NALF1: variants seen among roughly 807,000 people sequenced by gnomAD.
The protein encoded by NALF1 is NALCN channel auxiliary factor 1.
In NALF1, 3 loss-of-function variants were observed where a neutral mutation model predicts 48.4. The ratio of observed to expected loss-of-function variants is 0.06; its 90% CI spans 0.03 to 0.16. The LOEUF is 0.16. Ranked by LOEUF, NALF1 falls within the 10% of genes least tolerant of loss-of-function variation. The pLI is 1.00. For synonymous variants in NALF1, 262 were observed against 245.7 expected, an observed-to-expected ratio of 1.07 and a Z score of -0.62; for missense variants, 526 against 571.5, an observed-to-expected ratio of 0.92 and a Z score of 0.81.
chr13:107,644,646 C>CATATAT lies in NALF1; in HGVS notation c.915+221030_915+221035dup, dbSNP rs58981652. ...GTGTGTATACATACATACATACATA[C>CATATAT]ATATATATATATATATATATGCTTT... On this transcript the variant is annotated intron_variant, in intron 1 of 2. Coordinates refer to ENST00000375915, the MANE Select transcript of NALF1 (RefSeq NM_001080396.3). 9.4e-4 allele frequency among the ~76,000 whole-genome samples: 102 copies of CATATAT among 108,262 alleles called. 3 individuals are homozygous for CATATAT. Among genetic ancestry groups the CATATAT allele is most frequent in the Non-Finnish European group, 1.3e-3 (68 of 54,046 alleles). The allele number at this position is 108,262 out of a possible 152,430, so 71.0% of individuals were successfully genotyped here. A position where few individuals can be genotyped will look rare whatever the true frequency, so the allele number is the denominator to read the frequency against.
At chr13:107,818,400 A>G (rs570314822) in intron 1 of NALF1, among the ~76,000 whole-genome samples, 49 of 152,188 alleles carry the variant, frequency 3.2e-4, no homozygotes, top group African/African-American at 9.1e-4. Flanking sequence ...CAGGAATTGG[A>G]GACACTGGAG....
At chr13:107,472,886 C>T (rs1885123081) in intron 1 of NALF1, among the ~76,000 whole-genome samples, 1 of 152,152 alleles carries the variant, frequency 6.6e-6, no homozygotes, top group Non-Finnish European at 1.5e-5. Context: ...TACATCTATC[C>T]TATTAGTCCT....
chr13:107,311,876 C>T (rs1882053218), intron 1 of NALF1, among the ~76,000 whole-genome samples: 1 of 152,092 alleles, frequency 6.6e-6, no homozygotes, highest in African/African-American at 2.4e-5. Context: ...AATGAGATAC[C>T]ATCTCACACC....
At position 107,866,439 on chromosome 13, in the gene NALF1, G is replaced by A. The variant is rs1880733240; in HGVS notation, c.158C>T (p.Ser53Phe). Reference protein sequence around the residue: ...ASLLFFTVLLSDHLWFCAEAK... With the variant: ...ASLLFFTVLLFDHLWFCAEAK... ...CTCGGCGCAGAACCACAAGTGATCA[G>A]AGAGCAGGACTGTGAAAAACAAGAG... The change falls in exon 1 of 3, where the codon TCT becomes TTT. Residue 53 changes from serine to phenylalanine, a missense_variant. Physicochemically the swap from Ser to Phe is radical, Grantham distance 155 (BLOSUM62 -2). Coordinates refer to ENST00000375915, the MANE Select transcript of NALF1 (RefSeq NM_001080396.3). The surrounding 1 kb of genome is among the most constrained non-coding windows in gnomAD (Gnocchi z 4.4). 6.2e-7 allele frequency: 1 copy of A among 1,614,070 alleles called. No homozygotes were observed. Among genetic ancestry groups the A allele is most frequent in the Non-Finnish European group, 8.5e-7 (1 of 1,180,050 alleles).
At chr13:107,286,068 C>A (rs577268949) in intron 1 of NALF1, among the ~76,000 whole-genome samples, 1 of 152,106 alleles carries the variant, frequency 6.6e-6, no homozygotes, top group South Asian at 2.1e-4. Context: ...TATATGAATC[C>A]AAGTAGGAGA....
chr13:107,641,776 A>G (rs1880163849), intron 1 of NALF1, among the ~76,000 whole-genome samples: 1 of 152,140 alleles, frequency 6.6e-6, no homozygotes, highest in Non-Finnish European at 1.5e-5. Flanking sequence ...GCTGGGGGCC[A>G]ACTCAGCAGG....
chr13:107,694,982 G>A (rs539961591), intron 1 of NALF1, among the ~76,000 whole-genome samples: 13 of 151,976 alleles, frequency 8.6e-5, no homozygotes, highest in South Asian at 2.1e-4. Context: ...TAGCAGAGAC[G>A]GGGTTTCACC....
intron 1 of NALF1, among the ~76,000 whole-genome samples, chr13:107,651,780 G>A (rs139908035): frequency 6.6e-6 from 1 of 152,066 alleles, no homozygotes; most frequent in Non-Finnish European, 1.5e-5. Context: ...TACACTTGAG[G>A]ATTACTACAG....
At chr13:107,326,388 C>T (rs1391949260) in intron 1 of NALF1, among the ~76,000 whole-genome samples, 1 of 152,030 alleles carries the variant, frequency 6.6e-6, no homozygotes, top group African/African-American at 2.4e-5. Context: ...TAGAGCGATG[C>T]CATGTAAATT....
chr13:107,786,650 T>C (rs1317719253), intron 1 of NALF1, among the ~76,000 whole-genome samples: 2 of 151,582 alleles, frequency 1.3e-5, no homozygotes, highest in Non-Finnish European at 2.9e-5. Context: ...AAGAATCACT[T>C]GAACCTGGGA....
At chr13:107,674,630 G>A (rs1240954777) in intron 1 of NALF1, among the ~76,000 whole-genome samples, 1 of 152,210 alleles carries the variant, frequency 6.6e-6, no homozygotes, top group Non-Finnish European at 1.5e-5. Context: ...AGACTGGGAA[G>A]AGGCTCATTA....
intron 2 of NALF1, among the ~76,000 whole-genome samples, chr13:107,186,118 TTAG>T (rs1879165468): frequency 6.6e-6 from 1 of 152,204 alleles, no homozygotes; most frequent in Non-Finnish European, 1.5e-5. Flanking sequence ...TGTTAGTCAC[TTAG>T]TAGCTGTTTT....
chr13:107,202,978 G>A (rs1879553008), intron 2 of NALF1, among the ~76,000 whole-genome samples: 2 of 152,198 alleles, frequency 1.3e-5, no homozygotes, highest in African/African-American at 2.4e-5. Context: ...GATGACTTCA[G>A]TAATTTTGGT....
At chr13:107,442,483 A>G (rs934520972) in intron 1 of NALF1, among the ~76,000 whole-genome samples, 1 of 152,160 alleles carries the variant, frequency 6.6e-6, no homozygotes, top group African/African-American at 2.4e-5. Context: ...TTTTTCACAT[A>G]ATGAAAATAG....
chr13:107,617,618 C>T (rs776852804), intron 1 of NALF1, among the ~76,000 whole-genome samples: 6 of 152,178 alleles, frequency 3.9e-5, no homozygotes, highest in Non-Finnish European at 7.3e-5. Flanking sequence ...CAACAACTAA[C>T]TCAAAAGCCA....
At chr13:107,730,920 T>C (rs777207955) in intron 1 of NALF1, among the ~76,000 whole-genome samples, 1 of 152,190 alleles carries the variant, frequency 6.6e-6, no homozygotes, top group Non-Finnish European at 1.5e-5. Flanking sequence ...CGCTGAAAAT[T>C]ACCCCTAGGT....
chr13:107,643,523 C>G (rs1880219991), intron 1 of NALF1, among the ~76,000 whole-genome samples: 1 of 144,140 alleles, frequency 6.9e-6, no homozygotes, highest in South Asian at 2.3e-4. Flanking sequence ...AGTATAATTT[C>G]CATATACAGT....
At chr13:107,449,390 T>C (rs1230105782) in intron 1 of NALF1, among the ~76,000 whole-genome samples, 7 of 152,098 alleles carry the variant, frequency 4.6e-5, no homozygotes, top group Non-Finnish European at 7.4e-5. Flanking sequence ...CTGACCTAGA[T>C]TATTGACAAT....
chr13:107,403,213 T>C (rs1360446919), intron 1 of NALF1, among the ~76,000 whole-genome samples: 16 of 129,174 alleles, frequency 1.2e-4, no homozygotes, highest in Non-Finnish European at 2.0e-4. Context: ...TTTTTTTTTT[T>C]TTTTTATCAT....
Sources: gnomAD v4.1 joint callset for allele counts (sites outside exome capture counted in the v4.1 genomes callset) on GRCh38, gnomAD v4.1.1 for gene constraint, Gnocchi (gnomAD v3.1) non-coding constraint, MANE v1.5 for transcripts, NCBI Gene and HGNC (gene_info 2026-07-23, HGNC 2026-07-21) for gene names.